MAGI2: variants seen among roughly 807,000 people sequenced by gnomAD.
The protein encoded by MAGI2 is membrane associated guanylate kinase, WW and PDZ domain containing 2.
MAGI2 carries 35 observed loss-of-function variants against 133.3 expected under a neutral mutation model. The ratio of observed to expected loss-of-function variants is 0.26; its 90% CI spans 0.20 to 0.35. The LOEUF is 0.35. Among genes scored for constraint, MAGI2 ranks in the 10% least tolerant of loss-of-function variants. MAGI2 has a pLI of 1.00. For missense variants in MAGI2, 1,636 were observed against 1,863.4 expected (o/e 0.88, Z 2.25); for synonymous variants, 729 against 710.6 (o/e 1.03, Z -0.41).
At chr7:78,363,428 G>T (rs1353670873) in intron 7 of MAGI2, among the ~76,000 whole-genome samples, 1 of 151,978 alleles carries the variant, frequency 6.6e-6, no homozygotes, top group Non-Finnish European at 1.5e-5. Flanking sequence ...GGGAGGCGGA[G>T]CCTGTGGTGA....
At chr7:79,195,370 C>T (rs1450240691) in intron 1 of MAGI2, among the ~76,000 whole-genome samples, 2 of 151,916 alleles carry the variant, frequency 1.3e-5, no homozygotes, top group South Asian at 2.1e-4. Context: ...ATACTGCTTC[C>T]TAGTCACAAG....
rs114221881 is a variant in MAGI2 at position 78,590,463 on chromosome 7, T to G, written c.538+36657A>C. On this transcript the variant is annotated intron_variant, in intron 3 of 21. Transcript: ENST00000354212. ...AGGACATTGGGAAAATTTTTCACATTTAGCTTCAGGCATTTGCGGAATAGC... is the reference window on the plus strand; with the variant it reads ...AGGACATTGGGAAAATTTTTCACATGTAGCTTCAGGCATTTGCGGAATAGC... Among the ~76,000 whole-genome samples the G allele has an allele frequency of 2.3e-3, 344 of 152,304 alleles. 6 individuals carry two copies. The highest frequency in any genetic ancestry group is 7.7e-3 in the African/African-American group (322 of 41,558).
chr7:79,407,378 A>T (rs1022656013), intron 1 of MAGI2, among the ~76,000 whole-genome samples: 1 of 152,146 alleles, frequency 6.6e-6, no homozygotes, highest in African/African-American at 2.4e-5. Flanking sequence ...CCTAGCCTTA[A>T]TCAGTCCCTA....
At chr7:79,379,757 C>CT (rs926819983) in intron 1 of MAGI2, among the ~76,000 whole-genome samples, 11 of 149,542 alleles carry the variant, frequency 7.4e-5, no homozygotes, top group East Asian at 3.9e-4. Context: ...GCATAAATGT[C>CT]TTTTTTTTAA....
At chr7:78,741,674 T>A (rs1274000986) in intron 2 of MAGI2, among the ~76,000 whole-genome samples, 1 of 152,156 alleles carries the variant, frequency 6.6e-6, no homozygotes, top group Non-Finnish European at 1.5e-5. Flanking sequence ...CTTTGCCTCT[T>A]TACTTTGGAC....
At chr7:78,736,526 C>T (rs996657972) in intron 2 of MAGI2, among the ~76,000 whole-genome samples, 4 of 152,068 alleles carry the variant, frequency 2.6e-5, no homozygotes, top group Admixed American at 2.6e-4. Flanking sequence ...GGTCATAACC[C>T]TAGAATAGAT....
chr7:78,529,226 T>C (rs10230673), intron 3 of MAGI2, among the ~76,000 whole-genome samples: 3,645 of 152,308 alleles, frequency 0.024, 136 homozygotes, highest in African/African-American at 0.082. Flanking sequence ...TGAATATTCA[T>C]TTATTCACGT....
At chr7:78,214,972 C>T (rs1479987567) in intron 10 of MAGI2, among the ~76,000 whole-genome samples, 3 of 152,186 alleles carry the variant, frequency 2.0e-5, no homozygotes, top group Non-Finnish European at 4.4e-5. Context: ...CAGAGAGTCA[C>T]AGCTTGCATC....
chr7:79,205,693 G>C (rs1828988031), intron 1 of MAGI2, among the ~76,000 whole-genome samples: 1 of 151,600 alleles, frequency 6.6e-6, no homozygotes, highest in South Asian at 2.1e-4. Flanking sequence ...AGGATAAAAA[G>C]ATATAAACTG....
At chr7:79,048,349 A>G (rs1325159881) in intron 1 of MAGI2, among the ~76,000 whole-genome samples, 1 of 152,222 alleles carries the variant, frequency 6.6e-6, no homozygotes, top group Non-Finnish European at 1.5e-5. Flanking sequence ...TATTACACAC[A>G]CACAGTTTAC....
chr7:78,469,328 TGG>T (rs1790954140), intron 6 of MAGI2, among the ~76,000 whole-genome samples: 1 of 152,186 alleles, frequency 6.6e-6, no homozygotes, highest in East Asian at 1.9e-4. Context: ...TTATTCTGTG[TGG>T]ACACCTTCCT....
chr7:78,618,192 A>G (rs565867456), intron 3 of MAGI2: 1 of 152,136 alleles, frequency 6.6e-6, no homozygotes, highest in South Asian at 2.1e-4. Flanking sequence ...TGCAAGAGCC[A>G]CTGCTTATAT....
intron 2 of MAGI2, among the ~76,000 whole-genome samples, chr7:78,891,689 T>C (rs1348162884): frequency 6.6e-6 from 1 of 152,194 alleles, no homozygotes; most frequent in Non-Finnish European, 1.5e-5. Context: ...CACTTCATGC[T>C]AAAATCTCTC....
In MAGI2 at chr7:78,521,639, T is replaced by C; in HGVS notation, c.545A>G (p.Tyr182Cys). ...LLESGTYEDN[Y>C]YGTPKPPAEP... The stretch of plus-strand genomic sequence containing the variant: ...TGCTGGCGGCTTTGGGGTACCGTAG[T>C]AATTGTCTGCAAACAATACCAAAAC... Residue 182 changes from tyrosine to cysteine, a missense_variant, in exon 4 of 22, where the codon TAC becomes TGC. This residue lies in a region of MAGI2 where 148 missense variants were observed against 239.0 expected (regional missense o/e 0.62). Coordinates refer to ENST00000354212, the MANE Select transcript of MAGI2 (RefSeq NM_012301.4). 1 of 1,613,956 alleles carries C rather than the reference T, an allele frequency of 6.2e-7. No homozygotes were observed. The highest frequency in any genetic ancestry group is 8.5e-7 in the Non-Finnish European group (1 of 1,179,820).
rs186996235 is a variant in MAGI2, at chr7:79,225,141, G to A, written c.302-217935C>T. Among the ~76,000 whole-genome samples, 130 of 152,262 alleles carry A rather than the reference G, an allele frequency of 8.5e-4. 2 individuals carry two copies. The highest frequency in any genetic ancestry group is 2.9e-3 in the African/African-American group (122 of 41,552). ...GTAATTATGCCTCAATTCCATGCTAGGCTGTGGGCTTCTCCTCTGAGCTTT... is the reference window on the plus strand; with the variant it reads ...GTAATTATGCCTCAATTCCATGCTAAGCTGTGGGCTTCTCCTCTGAGCTTT... On this transcript the variant is annotated intron_variant, in intron 1 of 21. Coordinates refer to ENST00000354212, the MANE Select transcript of MAGI2 (RefSeq NM_012301.4).
chr7:79,007,236 G>A (rs1379796086), intron 1 of MAGI2, 30 bp from the exon 2 acceptor site: 1 of 1,308,426 alleles, frequency 7.6e-7, no homozygotes. Flanking sequence ...CTTGGTAAGG[G>A]ATGTTGGAAA....
At chr7:78,265,319 C>T (rs1793890110) in intron 9 of MAGI2, among the ~76,000 whole-genome samples, 1 of 152,140 alleles carries the variant, frequency 6.6e-6, no homozygotes, top group South Asian at 2.1e-4. Context: ...AGATTAAAAA[C>T]TATAAGTAAA....
At chr7:78,856,838 C>T (rs533893725) in intron 2 of MAGI2, among the ~76,000 whole-genome samples, 31 of 152,156 alleles carry the variant, frequency 2.0e-4, no homozygotes, top group East Asian at 7.7e-4. Flanking sequence ...TAAAGTACCA[C>T]GGGCAGTGTG....
intron 2 of MAGI2, among the ~76,000 whole-genome samples, chr7:78,740,756 A>G (rs995921425): frequency 5.3e-5 from 8 of 152,220 alleles, no homozygotes; most frequent in African/African-American, 1.7e-4. Flanking sequence ...TGACAGAATG[A>G]GCATCCTAGA....
Sources: allele counts gnomAD v4.1 joint callset (sites outside exome capture counted in the v4.1 genomes callset), GRCh38; gene constraint gnomAD v4.1.1; regional missense constraint gnomAD v4.1.1; transcripts MANE v1.5; gene names NCBI Gene and HGNC (gene_info 2026-07-23, HGNC 2026-07-21).